Variants in DCAF10 observed in about 807,000 individuals in gnomAD.
DCAF10 encodes DDB1 and CUL4 associated factor 10.
Under a neutral mutation model 51.9 loss-of-function variants are expected in DCAF10, and 19 were observed. The ratio of observed to expected loss-of-function variants is 0.37; its 90% CI spans 0.26 to 0.54. The LOEUF is 0.54. DCAF10 is among the 20% of genes least tolerant of loss of function. The pLI is 0.87. For synonymous variants in DCAF10, 291 were observed against 297.1 expected (o/e 0.98, Z 0.21); for missense variants, 510 against 730.6 (o/e 0.70, Z 3.48).
Position 37,860,190 on chromosome 9 carries a change from G to A in DCAF10, c.1308G>A (p.Glu436=), listed in dbSNP as rs761758700. 2.5e-6 allele frequency: 4 copies of A among 1,614,064 alleles called. No homozygotes were observed. In the South Asian group the frequency reaches 4.4e-5, roughly 18 times the overall value. ...GGTGCTCAAGCAACAGTGATGATGAGGAGGTACAGGCAGCAGCACTCCACC... is the reference window on the plus strand; with the variant it reads ...GGTGCTCAAGCAACAGTGATGATGAAGAGGTACAGGCAGCAGCACTCCACC... ...LLRCSSNSDD[E]ECTCVYEFQE... Residue 436 remains glutamate, a synonymous_variant, in exon 6 of 7, where the codon GAG becomes GAA. Coordinates refer to ENST00000377724, the MANE Select transcript of DCAF10 (RefSeq NM_024345.5).
chr9:37,836,014 A>C, intron 2 of DCAF10: 1 of 1,008,646 alleles, frequency 9.9e-7, no homozygotes, highest in East Asian at 2.4e-5. Flanking sequence ...GCGCCGGCAC[A>C]CGGCCCCAAA....
At position 37,866,500 on chromosome 9, in the gene DCAF10, T is replaced by G. The variant is rs757224342; in HGVS notation, c.*4992T>G. 2 of 152,272 alleles carry G rather than the reference T, an allele frequency of 1.3e-5. No individual in the cohort carries two copies. The highest frequency in any genetic ancestry group is 2.9e-5 in the Non-Finnish European group (2 of 68,044). 9.4% of individuals were successfully genotyped at this position (152,272 alleles called of 1,614,324 possible). A position where few individuals can be genotyped will look rare whatever the true frequency, so the allele number is the denominator to read the frequency against. ...AAAATATCTGCTAAGTAATTTGCTA[T>G]GTCTTCTCCCACACTATCAATATGC... On this transcript the variant is annotated 3_prime_UTR_variant, in exon 7 of 7. Transcript: ENST00000377724.
At position 37,861,035 on chromosome 9, in the gene DCAF10, A is replaced by G; in HGVS notation, c.1312-105A>G. 1 of 1,453,884 alleles carries G rather than the reference A, an allele frequency of 6.9e-7. No individual in the cohort carries two copies. The highest frequency in any genetic ancestry group is 1.4e-5 in the South Asian group (1 of 70,444). The allele number at this position is 1,453,884 out of a possible 1,614,324, so 90.1% of individuals were successfully genotyped here. ...CATTATTCTGAGTGATTTCTTGTAA[A>G]AATTCTGTGGCTTTGGCAATCTGTT... On this transcript the variant is annotated intron_variant, in intron 6 of 6. Transcript: ENST00000377724. This position sits in a 1 kb window ranked among gnomAD's most constrained non-coding sequence, Gnocchi z 4.9.
At chr9:37,845,259 TTGA>T (rs974888945) in intron 3 of DCAF10, among the ~76,000 whole-genome samples, 1 of 152,128 alleles carries the variant, frequency 6.6e-6, no homozygotes, top group Non-Finnish European at 1.5e-5. Flanking sequence ...AAGCATAAAA[TTGA>T]TGATGTCAAA....
chr9:37,828,800 A>C (rs979286400), intron 2 of DCAF10, among the ~76,000 whole-genome samples: 1 of 152,178 alleles, frequency 6.6e-6, no homozygotes, highest in African/African-American at 2.4e-5. Context: ...TATATATGAA[A>C]AAATAGAATA....
At chr9:37,820,666 C>T (rs556167558) in intron 2 of DCAF10, among the ~76,000 whole-genome samples, 4 of 152,194 alleles carry the variant, frequency 2.6e-5, no homozygotes, top group African/African-American at 9.6e-5. Context: ...ATTATAAGGC[C>T]TAGTTGTGGA....
intron 2 of DCAF10, among the ~76,000 whole-genome samples, chr9:37,827,886 CTTATT>C (rs138049096): frequency 6.6e-6 from 1 of 151,940 alleles, no homozygotes; most frequent in South Asian, 2.1e-4. Flanking sequence ...AGCTGAATAT[CTTATT>C]TTATTTTATT....
At position 37,862,718 on chromosome 9, in the gene DCAF10, T is replaced by G. The variant is rs1182521710; in HGVS notation, c.*1210T>G. 1.3e-5 allele frequency: 2 copies of G among 152,242 alleles called. No individual in the cohort carries two copies. Among genetic ancestry groups the G allele is most frequent in the Non-Finnish European group, 2.9e-5 (2 of 68,050 alleles). The allele number at this position is 152,242 out of a possible 1,614,324, so 9.4% of individuals were successfully genotyped here. A position where few individuals can be genotyped will look rare whatever the true frequency, so the allele number is the denominator to read the frequency against. On this transcript the variant is annotated 3_prime_UTR_variant, in exon 7 of 7. Coordinates refer to ENST00000377724, the MANE Select transcript of DCAF10 (RefSeq NM_024345.5). ...TGACTGTTCTACTTTGAATAACAGC[T>G]TCCTTGCAGTCTCCTCCACATGGGT...
At position 37,801,888 on chromosome 9, in the gene DCAF10, C is replaced by A. The variant is rs887078240; in HGVS notation, c.539+483C>A. Among the ~76,000 whole-genome samples the A allele has an allele frequency of 6.6e-6, 1 of 152,158 alleles. No homozygotes were observed. Among genetic ancestry groups the A allele is most frequent in the Non-Finnish European group, 1.5e-5 (1 of 68,046 alleles). On this transcript the variant is annotated intron_variant, in intron 1 of 6. Transcript: ENST00000377724. This position sits in a 1 kb window ranked among gnomAD's most constrained non-coding sequence, Gnocchi z 5.5. ...TGCGTTCCTTTGCTCAAGGAAGATA[C>A]AGTACTAAGACACTGTAGAGACGTG... is the stretch of plus-strand genomic sequence containing the variant.
intron 3 of DCAF10, among the ~76,000 whole-genome samples, chr9:37,852,731 GA>G: frequency 6.6e-6 from 1 of 152,024 alleles, no homozygotes. Flanking sequence ...CCAACATGGT[GA>G]AACCCCGTCT....
At chr9:37,855,058 G>C in intron 4 of DCAF10, 76 bp downstream of exon 4, 3 of 1,358,956 alleles carry the variant, frequency 2.2e-6, no homozygotes, top group Non-Finnish European at 3.0e-6. Context: ...TTTCTTTTCT[G>C]AAAATGATAG....
At chr9:37,840,503 A>T (rs961632880) in intron 2 of DCAF10, among the ~76,000 whole-genome samples, 2 of 152,234 alleles carry the variant, frequency 1.3e-5, no homozygotes, top group Admixed American at 6.5e-5. Context: ...TTAATAGAAA[A>T]AAGTTAATAA....
Position 37,862,404 on chromosome 9 carries a change from T to G in DCAF10, c.*896T>G, listed in dbSNP as rs1248559062. ...CAATATGACTTAGATTTTCTGTATT[T>G]CATCTGCCAGATTATTTGAATCACA... On this transcript the variant is annotated 3_prime_UTR_variant, in exon 7 of 7. Transcript: ENST00000377724. The G allele has an allele frequency of 2.0e-5, 3 of 152,250 alleles. No individual in the cohort carries two copies. The highest frequency in any genetic ancestry group is 7.2e-5 in the African/African-American group (3 of 41,456). 9.4% of individuals were successfully genotyped at this position (152,250 alleles called of 1,614,324 possible).
At chr9:37,859,026 G>T (rs1310812854) in intron 5 of DCAF10, among the ~76,000 whole-genome samples, 1 of 152,102 alleles carries the variant, frequency 6.6e-6, no homozygotes. Flanking sequence ...TTTTGTTATA[G>T]GTTTTCCAAA....
At chr9:37,849,069 C>A (rs1166909900) in intron 3 of DCAF10, among the ~76,000 whole-genome samples, 2 of 149,934 alleles carry the variant, frequency 1.3e-5, no homozygotes, top group Non-Finnish European at 3.0e-5. Context: ...CATTAATTAA[C>A]TAGAGATAGA....
rs1349357594 is a variant in DCAF10 at position 37,801,374 on chromosome 9, G to T, written c.508G>T (p.Ala170Ser). The T allele has an allele frequency of 1.3e-6, 2 of 1,542,644 alleles. No homozygotes were observed. Among genetic ancestry groups the T allele is most frequent in the African/African-American group, 1.4e-5 (1 of 69,938 alleles). Reference sequence around the variant, plus strand: ...GTACCTCAGCACCCGCACCCACGGCGCCGTCTTCAACCTCGAGTACTCGCC... The same window carrying T: ...GTACCTCAGCACCCGCACCCACGGCTCCGTCTTCAACCTCGAGTACTCGCC... ...SVYLSTRTHG[A>S]VFNLEYSPDG... Residue 170 changes from alanine (A) to serine (S), a missense_variant, in exon 1 of 7, where the codon GCC becomes TCC. By Grantham distance (99) the Ala-to-Ser change is moderately conservative (BLOSUM62 1). Around this residue, in one of 4 missense-constraint regions of DCAF10, gnomAD observed 126 missense variants for 271.5 expected, o/e 0.46. Coordinates refer to ENST00000377724, the MANE Select transcript of DCAF10 (RefSeq NM_024345.5). The surrounding 1 kb of genome is among the most constrained non-coding windows in gnomAD (Gnocchi z 5.5).
intron 1 of DCAF10, 68 bp from the exon 2 acceptor site, chr9:37,819,220 A>G (rs905002870): frequency 5.0e-5 from 62 of 1,245,174 alleles, no homozygotes; most frequent in Non-Finnish European, 7.1e-5. Flanking sequence ...GTAATTATAA[A>G]TAAGTGAACA....
At chr9:37,800,579 G>T (rs577153912), upstream of DCAF10, 1 of 1,536,066 alleles carries the variant, frequency 6.5e-7, no homozygotes, top group Non-Finnish European at 8.7e-7. Context: ...CGCGGCCACC[G>T]GTCACTGACA....
At chr9:37,860,685 G>T (rs1423681278) in intron 6 of DCAF10, among the ~76,000 whole-genome samples, 1 of 152,134 alleles carries the variant, frequency 6.6e-6, no homozygotes, top group Non-Finnish European at 1.5e-5. Flanking sequence ...GGTGTTAAAT[G>T]ACTTTATGAT....
Sources: gnomAD v4.1 joint callset for allele counts (sites outside exome capture counted in the v4.1 genomes callset) on GRCh38, gnomAD v4.1.1 for gene constraint, gnomAD v4.1.1 regional missense constraint, Gnocchi (gnomAD v3.1) non-coding constraint, MANE v1.5 for transcripts, NCBI Gene and HGNC (gene_info 2026-07-23, HGNC 2026-07-21) for gene names.